Variants in TMEM132D observed in about 807,000 individuals in gnomAD.
TMEM132D encodes transmembrane protein 132D, also known as mature OL transmembrane protein.
Under a neutral mutation model 62.3 loss-of-function variants are expected in TMEM132D, and 21 were observed. The observed-to-expected ratio is 0.34, with a 90% CI of 0.24 to 0.49. The LOEUF is 0.49. TMEM132D is among the 20% of genes least tolerant of loss of function. The probability of loss-of-function intolerance (pLI) is 0.99; values close to 1 mark genes in which losing one functional copy is unlikely to be tolerated. For missense variants in TMEM132D, 1,346 were observed against 1,402.8 expected (o/e 0.96, Z 0.65); for synonymous variants, 621 against 575.6 (o/e 1.08, Z -1.13).
intron 2 of TMEM132D, among the ~76,000 whole-genome samples, chr12:129,552,186 T>C (rs1324841668): frequency 6.6e-6 from 1 of 152,184 alleles, no homozygotes; most frequent in African/African-American, 2.4e-5. Flanking sequence ...TTAAATACAC[T>C]GTATGTAGAT....
intron 2 of TMEM132D, among the ~76,000 whole-genome samples, chr12:129,622,500 T>C (rs923003763): frequency 5.3e-5 from 8 of 152,196 alleles, no homozygotes; most frequent in Non-Finnish European, 1.2e-4. Flanking sequence ...GACTATATCC[T>C]ACATCCTAGC....
At chr12:129,248,067 CT>C (rs1024493087) in intron 4 of TMEM132D, among the ~76,000 whole-genome samples, 95 of 152,272 alleles carry the variant, frequency 6.2e-4, no homozygotes, top group African/African-American at 2.1e-3. Context: ...TTAACTAAGT[CT>C]TCTACAAAGA....
intron 5 of TMEM132D, among the ~76,000 whole-genome samples, chr12:129,197,761 C>T (rs1878588942): frequency 6.6e-6 from 1 of 152,142 alleles, no homozygotes; most frequent in Non-Finnish European, 1.5e-5. Flanking sequence ...CTTGAGAGTA[C>T]AGGCAACAAA....
chr12:129,575,337 C>T (rs1489927541), intron 2 of TMEM132D, among the ~76,000 whole-genome samples: 1 of 151,830 alleles, frequency 6.6e-6, no homozygotes, highest in East Asian at 1.9e-4. Context: ...CTCAGCTTGG[C>T]TGATGGCACC....
intron 2 of TMEM132D, among the ~76,000 whole-genome samples, chr12:129,683,647 A>C (rs1385498732): frequency 6.6e-6 from 1 of 152,064 alleles, no homozygotes; most frequent in Non-Finnish European, 1.5e-5. Context: ...GACATGTAGG[A>C]CCCAAGCCCA....
rs539859361 is a variant in TMEM132D at position 129,799,019 on chromosome 12, A to G, written c.80-98321T>C. 3.8e-3 allele frequency among the ~76,000 whole-genome samples: 586 copies of G among 152,246 alleles called. 3 individuals are homozygous for G. Among genetic ancestry groups the G allele is most frequent in the African/African-American group, 0.014 (564 of 41,544 alleles). ...AGTGGCTCACGCCTGTAATCCCAGC[A>G]CTCTGGGAGGCCAAGGCGGGCGGAT... is the stretch of plus-strand genomic sequence containing the variant. On this transcript the variant is annotated intron_variant, in intron 1 of 8. Transcript: ENST00000422113.
intron 5 of TMEM132D, among the ~76,000 whole-genome samples, chr12:129,120,297 C>A (rs562611773): frequency 6.6e-6 from 1 of 152,312 alleles, no homozygotes; most frequent in East Asian, 1.9e-4. Context: ...GGGTCAAAGT[C>A]TGAGAAGGAA....
At position 129,750,189 on chromosome 12, in the gene TMEM132D, C is replaced by T. The variant is rs530778434; in HGVS notation, c.80-49491G>A. 3.3e-5 allele frequency among the ~76,000 whole-genome samples: 5 copies of T among 152,058 alleles called. No individual in the cohort carries two copies. The East Asian group carries it at 9.7e-4, about 30-fold the overall frequency. On this transcript the variant is annotated intron_variant, in intron 1 of 8. Transcript: ENST00000422113. ...CATGCTCCACCTCCCAGGTTCACGT[C>T]ATTCTCCTGCCTCAGCCTCCCAGAT...
chr12:129,084,924 T>C (rs1226459038), intron 5 of TMEM132D: 5 of 561,770 alleles, frequency 8.9e-6, no homozygotes, highest in Non-Finnish European at 1.2e-5. Context: ...TACCCAGGCT[T>C]CCTGGGGTCC....
intron 3 of TMEM132D, among the ~76,000 whole-genome samples, chr12:129,387,312 C>T (rs184962747): frequency 1.8e-4 from 27 of 151,560 alleles, no homozygotes; most frequent in Non-Finnish European, 1.5e-4. Flanking sequence ...AATACCAACA[C>T]TAACACCAAT....
chr12:129,257,529 G>A (rs898860973), intron 4 of TMEM132D, among the ~76,000 whole-genome samples: 1 of 152,122 alleles, frequency 6.6e-6, no homozygotes, highest in Non-Finnish European at 1.5e-5. Flanking sequence ...TTTTGACAAT[G>A]ATTTGCCTTT....
intron 1 of TMEM132D, among the ~76,000 whole-genome samples, chr12:129,767,814 ATAAAGAT>A (rs1391780415): frequency 4.0e-4 from 61 of 152,344 alleles, no homozygotes; most frequent in African/African-American, 1.4e-3. Flanking sequence ...TGATAAAGAC[ATAAAGAT>A]TTACCAAGAC....
chr12:129,166,305 C>CCATCTAAAGGGCCACGTATGTTT, intron 5 of TMEM132D, among the ~76,000 whole-genome samples: 2 of 152,216 alleles, frequency 1.3e-5, no homozygotes, highest in East Asian at 3.9e-4. Flanking sequence ...AACCCCTGCT[C>CCATCTAAAGGGCCACGTATGTTT]CGTCTAAAGG....
At chr12:129,764,034 C>T (rs1870470209) in intron 1 of TMEM132D, among the ~76,000 whole-genome samples, 2 of 152,170 alleles carry the variant, frequency 1.3e-5, no homozygotes, top group Non-Finnish European at 2.9e-5. Context: ...GAACCTGCCC[C>T]CATGCCCCAG....
intron 3 of TMEM132D, among the ~76,000 whole-genome samples, chr12:129,499,498 G>A (rs533576351): frequency 6.6e-6 from 1 of 152,180 alleles, no homozygotes; most frequent in Non-Finnish European, 1.5e-5. Flanking sequence ...GATAAATGAT[G>A]ACACAGGCAA....
intron 4 of TMEM132D, among the ~76,000 whole-genome samples, chr12:129,278,867 T>C (rs1160036258): frequency 2.0e-5 from 3 of 152,174 alleles, no homozygotes; most frequent in African/African-American, 7.2e-5. Context: ...CTTCCTGTTG[T>C]CTGACTCAAA....
At chr12:129,712,081 C>A (rs887975884) in intron 1 of TMEM132D, among the ~76,000 whole-genome samples, 4 of 151,894 alleles carry the variant, frequency 2.6e-5, no homozygotes, top group African/African-American at 9.7e-5. Flanking sequence ...CAAAAAGCTA[C>A]TCCGCACAAT....
intron 1 of TMEM132D, among the ~76,000 whole-genome samples, chr12:129,894,551 T>C (rs1875040516): frequency 6.6e-6 from 1 of 152,210 alleles, no homozygotes; most frequent in Admixed American, 6.5e-5. Context: ...TCTCTTAAGA[T>C]AATTCGAAGC....
chr12:129,150,625 A>G (rs1877044709), intron 5 of TMEM132D, among the ~76,000 whole-genome samples: 1 of 152,188 alleles, frequency 6.6e-6, no homozygotes. Context: ...GCAGAATTCA[A>G]AGCCAGGTGG....
Sources: gnomAD v4.1 joint callset for allele counts (sites outside exome capture counted in the v4.1 genomes callset) on GRCh38, gnomAD v4.1.1 for gene constraint, MANE v1.5 for transcripts, NCBI Gene and HGNC (gene_info 2026-07-23, HGNC 2026-07-21) for gene names.